The following INTS10 variants were observed in gnomAD, a reference collection of about 807,000 sequenced individuals.
INTS10 encodes chromosome 8 open reading frame 35.
INTS10 carries 44 observed loss-of-function variants against 94.4 expected under a neutral mutation model. The observed-to-expected ratio is 0.47, with a 90% CI of 0.37 to 0.60. The LOEUF is 0.60. INTS10 is among the 20% of genes least tolerant of loss of function. The pLI, the probability that INTS10 is intolerant of heterozygous loss-of-function variation, is 0.00. For synonymous variants in INTS10, 341 were observed against 320.7 expected, an observed-to-expected ratio of 1.06 and a Z score of -0.68; for missense variants, 797 against 868.7, an observed-to-expected ratio of 0.92 and a Z score of 1.04.
rs774887936 is a variant in INTS10 at position 19,842,838 on chromosome 8, C to G, written c.1640-10C>G. On this transcript the variant is annotated splice_polypyrimidine_tract_variant and intron_variant, in intron 13 of 16. Coordinates refer to ENST00000397977, the MANE Select transcript of INTS10 (RefSeq NM_018142.4). ...ACATACATTAACCTAACATTGTGGA[C>G]TTCTGTTAGGTTCGGATCTGAAGCT... 1 of 1,592,970 alleles carries G rather than the reference C, an allele frequency of 6.3e-7. No homozygotes were observed. Among genetic ancestry groups the G allele is most frequent in the East Asian group, 2.2e-5 (1 of 44,756 alleles).
intron 7 of INTS10, 169 bp from the exon 8 acceptor site, chr8:19,824,634 C>T (rs2066649869): frequency 3.8e-6 from 2 of 526,010 alleles, no homozygotes; most frequent in Non-Finnish European, 6.6e-6. Flanking sequence ...TTGATCACCA[C>T]CCTAATTCAG....
chr8:19,832,159 A>G (rs377717137), intron 11 of INTS10, 49 bp downstream of exon 11: 71 of 1,017,736 alleles, frequency 7.0e-5, no homozygotes, highest in Middle Eastern at 2.0e-4. Flanking sequence ...CAGCATGGCT[A>G]TGGTGGCAAA....
rs1274121279 is a variant in INTS10 at position 19,846,984 on chromosome 8, G to A, written c.1976+1187G>A. Among the ~76,000 whole-genome samples the A allele has an allele frequency of 6.6e-6, 1 of 152,148 alleles. No individual in the cohort carries two copies. The highest frequency in any genetic ancestry group is 2.4e-5 in the African/African-American group (1 of 41,444). On this transcript the variant is annotated intron_variant, in intron 16 of 16. Transcript: ENST00000397977. This position sits in a 1 kb window ranked among gnomAD's most constrained non-coding sequence, Gnocchi z 4.2. ...TTTCCCTCAGTTGTGGAATAAACTAGTTTTCAGTGGTTGAAAGCAAAAATC... is the reference window on the plus strand; with the variant it reads ...TTTCCCTCAGTTGTGGAATAAACTAATTTTCAGTGGTTGAAAGCAAAAATC...
In INTS10 at chr8:19,823,246, G is replaced by C; in HGVS notation, c.524-55G>C. On this transcript the variant is annotated intron_variant, in intron 5 of 16. Coordinates refer to ENST00000397977, the MANE Select transcript of INTS10 (RefSeq NM_018142.4). The stretch of plus-strand genomic sequence containing the variant: ...ACTCTGAAAGCTTTTGTATTTATCG[G>C]AACTCTAGGGTAGACAACCTAATTA... The C allele has an allele frequency of 4.3e-6, 6 of 1,394,398 alleles. No homozygotes were observed. The South Asian group carries it at 7.3e-5, about 17-fold the overall frequency. 86.4% of individuals were successfully genotyped at this position (1,394,398 alleles called of 1,614,324 possible). A position where few individuals can be genotyped will look rare whatever the true frequency, so the allele number is the denominator to read the frequency against.
chr8:19,849,267 T>G lies in INTS10; in HGVS notation c.1977-2382T>G. The stretch of plus-strand genomic sequence containing the variant: ...ACCAAGTGGAATCAACGCCCGCTCA[T>G]AGTGTGCTGTTTGTCAACATGTTCG... On this transcript the variant is annotated intron_variant, in intron 16 of 16. Coordinates refer to ENST00000397977, the MANE Select transcript of INTS10 (RefSeq NM_018142.4). This position sits in a 1 kb window ranked among gnomAD's most constrained non-coding sequence, Gnocchi z 4.6. 3.3e-6 allele frequency: 4 copies of G among 1,213,326 alleles called. No individual in the cohort carries two copies. Among genetic ancestry groups the G allele is most frequent in the Non-Finnish European group, 4.3e-6 (4 of 920,570 alleles). 75.2% of individuals were successfully genotyped at this position (1,213,326 alleles called of 1,614,324 possible).
chr8:19,820,656 G>C (rs1339577364), intron 4 of INTS10, 138 bp downstream of exon 4: 3 of 671,366 alleles, frequency 4.5e-6, no homozygotes, highest in Non-Finnish European at 2.3e-6. Flanking sequence ...AAGGTTCTTT[G>C]TTAGTAAAGC....
intron 16 of INTS10, among the ~76,000 whole-genome samples, chr8:19,848,521 A>T (rs1035479139): frequency 1.3e-5 from 2 of 152,204 alleles, no homozygotes; most frequent in African/African-American, 4.8e-5. Context: ...AGGGTGGATA[A>T]TAATGTTCTA....
chr8:19,823,489 T>C (rs1308073676), intron 6 of INTS10, 48 bp downstream of exon 6: 1 of 1,324,290 alleles, frequency 7.6e-7, no homozygotes, highest in East Asian at 2.3e-5. Flanking sequence ...TTTAGTAATA[T>C]TGCAAAATTC....
chr8:19,846,723 T>C lies in INTS10; in HGVS notation c.1976+926T>C, dbSNP rs1781753605. Among the ~76,000 whole-genome samples, 3 of 152,218 alleles carry C rather than the reference T, an allele frequency of 2.0e-5. No homozygotes were observed. Among genetic ancestry groups the C allele is most frequent in the Non-Finnish European group, 1.5e-5 (1 of 68,042 alleles). ...GTTGGCCCAGATGAAAATGCCAAATTAGTGACCATTTATGATTTTTAAATA... is the reference window on the plus strand; with the variant it reads ...GTTGGCCCAGATGAAAATGCCAAATCAGTGACCATTTATGATTTTTAAATA... On this transcript the variant is annotated intron_variant, in intron 16 of 16. Coordinates refer to ENST00000397977, the MANE Select transcript of INTS10 (RefSeq NM_018142.4). This position sits in a 1 kb window ranked among gnomAD's most constrained non-coding sequence, Gnocchi z 4.2.
chr8:19,819,764 T>C (rs1401576527), intron 3 of INTS10, 88 bp downstream of exon 3: 8 of 912,994 alleles, frequency 8.8e-6, no homozygotes, highest in African/African-American at 1.7e-5. Flanking sequence ...ACCTGGGGTA[T>C]TGGTAACCAT....
intron 13 of INTS10, among the ~76,000 whole-genome samples, chr8:19,840,417 G>T (rs1008303505): frequency 5.3e-5 from 8 of 152,094 alleles, no homozygotes; most frequent in Non-Finnish European, 1.2e-4. Flanking sequence ...GTTTTTGGTG[G>T]TTTTTTGCTA....
In INTS10 at chr8:19,846,036, G is replaced by A. The variant is rs2128810066; in HGVS notation, c.1976+239G>A. Reference sequence around the variant, plus strand: ...TGTCACATTTGCAACTTTTTCACTAGACAAAAGTCTCATTCATGATATCTT... The same window carrying A: ...TGTCACATTTGCAACTTTTTCACTAAACAAAAGTCTCATTCATGATATCTT... On this transcript the variant is annotated intron_variant, in intron 16 of 16. Coordinates refer to ENST00000397977, the MANE Select transcript of INTS10 (RefSeq NM_018142.4). This position sits in a 1 kb window ranked among gnomAD's most constrained non-coding sequence, Gnocchi z 4.2. The A allele has an allele frequency of 2.4e-6, 1 of 416,856 alleles. No homozygotes were observed. The highest frequency in any genetic ancestry group is 3.9e-5 in the East Asian group (1 of 25,328). The allele number at this position is 416,856 out of a possible 1,614,324, so 25.8% of individuals were successfully genotyped here. A position where few individuals can be genotyped will look rare whatever the true frequency, so the allele number is the denominator to read the frequency against.
chr8:19,838,297 A>G (rs1472591827), intron 13 of INTS10, among the ~76,000 whole-genome samples: 1 of 151,774 alleles, frequency 6.6e-6, no homozygotes, highest in Non-Finnish European at 1.5e-5. Flanking sequence ...CAGAGGTTGC[A>G]GTGAGCCGAG....
In INTS10 at chr8:19,846,050, T is replaced by A; in HGVS notation, c.1976+253T>A. 1 of 395,698 alleles carries A rather than the reference T, an allele frequency of 2.5e-6. No homozygotes were observed. The highest frequency in any genetic ancestry group is 4.7e-6 in the Non-Finnish European group (1 of 214,650). The allele number at this position is 395,698 out of a possible 1,614,324, so 24.5% of individuals were successfully genotyped here. ...CTTTTTCACTAGACAAAAGTCTCATTCATGATATCTTTTACTTTCAAAAAT... is the reference window on the plus strand; with the variant it reads ...CTTTTTCACTAGACAAAAGTCTCATACATGATATCTTTTACTTTCAAAAAT... On this transcript the variant is annotated intron_variant, in intron 16 of 16. Coordinates refer to ENST00000397977, the MANE Select transcript of INTS10 (RefSeq NM_018142.4). The surrounding 1 kb of genome is among the most constrained non-coding windows in gnomAD (Gnocchi z 4.2).
intron 11 of INTS10, among the ~76,000 whole-genome samples, chr8:19,832,785 G>C (rs927359542): frequency 6.6e-6 from 1 of 152,234 alleles, no homozygotes; most frequent in African/African-American, 2.4e-5. Flanking sequence ...ATTCACGAAT[G>C]AGGTGGTGTC....
At chr8:19,838,923 T>C (rs2067891653) in intron 13 of INTS10, among the ~76,000 whole-genome samples, 1 of 151,826 alleles carries the variant, frequency 6.6e-6, no homozygotes, top group African/African-American at 2.4e-5. Context: ...ATACAAAAAA[T>C]TAGCCAGGCC....
Position 19,846,440 on chromosome 8 carries a change from AAAAAC to A in INTS10, c.1976+647_1976+651del, listed in dbSNP as rs1310284280. 4.6e-3 allele frequency among the ~76,000 whole-genome samples: 704 copies of A among 151,818 alleles called. 3 individuals are homozygous for A. Among genetic ancestry groups the A allele is most frequent in the African/African-American group, 0.013 (526 of 41,224 alleles). ...AAGAGTGAAACTCCATCTCAAAAAA[AAAAAC>A]AAACAAACAAAACAGCTGTGCTTAA... On this transcript the variant is annotated intron_variant, in intron 16 of 16. Coordinates refer to ENST00000397977, the MANE Select transcript of INTS10 (RefSeq NM_018142.4). The surrounding 1 kb of genome is among the most constrained non-coding windows in gnomAD (Gnocchi z 4.2).
rs1408728565 is a variant in INTS10, at chr8:19,845,809, C to T, written c.1976+12C>T. ...GGAATGCTGATCAAGTAAGCATGTT[C>T]TCTTTTGCTCTTCCATGCTGAGTGC... On this transcript the variant is annotated intron_variant, in intron 16 of 16. Transcript: ENST00000397977. 4 of 1,573,722 alleles carry T rather than the reference C, an allele frequency of 2.5e-6. No individual in the cohort carries two copies. The African/African-American group carries it at 4.0e-5, about 16-fold the overall frequency.
Position 19,830,389 on chromosome 8 carries a change from C to T in INTS10, c.1141-17C>T, listed in dbSNP as rs370232367. ...TTTATAACTGAATTAACCATGTTCT[C>T]CACATTCTTTAAGCAGAGTTCAGAC... On this transcript the variant is annotated splice_polypyrimidine_tract_variant and intron_variant, in intron 9 of 16. Transcript: ENST00000397977. 13 of 1,604,714 alleles carry T rather than the reference C, an allele frequency of 8.1e-6. No individual in the cohort carries two copies. The African/African-American group carries it at 1.6e-4, about 20-fold the overall frequency.
Sources: allele counts gnomAD v4.1 joint callset (sites outside exome capture counted in the v4.1 genomes callset), GRCh38; gene constraint gnomAD v4.1.1; non-coding constraint Gnocchi (gnomAD v3.1); transcripts MANE v1.5; gene names NCBI Gene and HGNC (gene_info 2026-07-23, HGNC 2026-07-21).